KMT2C: variants seen among roughly 807,000 people sequenced by gnomAD.
KMT2C encodes histone-lysine N-methyltransferase 2C.
Under a neutral mutation model 507.9 loss-of-function variants are expected in KMT2C, and 88 were observed. That is an observed-to-expected ratio of 0.17 (90% CI 0.15 to 0.21). KMT2C has a LOEUF of 0.21. Among genes scored for constraint, KMT2C ranks in the 10% least tolerant of loss-of-function variants. The pLI is 1.00. For missense variants in KMT2C, 4,954 were observed against 5,957.8 expected (o/e 0.83, Z 5.55); for synonymous variants, 2,049 against 2,080.8 (o/e 0.98, Z 0.42).
chr7:152,369,039 A>T (rs1436702795), intron 1 of KMT2C, among the ~76,000 whole-genome samples: 1 of 152,060 alleles, frequency 6.6e-6, no homozygotes. Context: ...AAAATAGTTA[A>T]GGGCCAGGAG....
At chr7:152,311,027 C>T (rs2096666886) in intron 5 of KMT2C, among the ~76,000 whole-genome samples, 1 of 152,082 alleles carries the variant, frequency 6.6e-6, no homozygotes, top group African/African-American at 2.4e-5. Context: ...TATTATGATG[C>T]ACACACAAGT....
chr7:152,255,155 ATATG>A lies in KMT2C; in HGVS notation c.1300-2444_1300-2441del, dbSNP rs1425048563. Among the ~76,000 whole-genome samples, 132 of 137,476 alleles carry A rather than the reference ATATG, an allele frequency of 9.6e-4. 4 individuals are homozygous for A. Among genetic ancestry groups the A allele is most frequent in the African/African-American group, 3.3e-3 (119 of 35,926 alleles). The allele number at this position is 137,476 out of a possible 152,430, so 90.2% of individuals were successfully genotyped here. ...TATATATATATATATACATATATAT[ATATG>A]TGTGTGTGTGTGTGTGTGTGTTTTG... is the stretch of plus-strand genomic sequence containing the variant. On this transcript the variant is annotated intron_variant, in intron 9 of 58. Coordinates refer to ENST00000262189, the MANE Select transcript of KMT2C (RefSeq NM_170606.3).
At position 152,336,592 on chromosome 7, in the gene KMT2C, G is replaced by T. The variant is rs375203413; in HGVS notation, c.251-5853C>A. Among the ~76,000 whole-genome samples the T allele has an allele frequency of 2.0e-5, 3 of 152,134 alleles. No individual in the cohort carries two copies. In the South Asian group the frequency reaches 6.2e-4, roughly 32 times the overall value. On this transcript the variant is annotated intron_variant, in intron 2 of 58. Coordinates refer to ENST00000262189, the MANE Select transcript of KMT2C (RefSeq NM_170606.3). Reference sequence around the variant, plus strand: ...ACTCTTGAATACTATCCTATGCTTTGCCTAAAGAAAGAAGCTAGCCATTCA... The same window carrying T: ...ACTCTTGAATACTATCCTATGCTTTTCCTAAAGAAAGAAGCTAGCCATTCA...
intron 27 of KMT2C, among the ~76,000 whole-genome samples, chr7:152,198,944 T>C (rs2094047321): frequency 6.6e-6 from 1 of 152,136 alleles, no homozygotes; most frequent in Admixed American, 6.5e-5. Context: ...GAATTTAAGC[T>C]GTATGATTAA....
rs149709824 is a variant in KMT2C at position 152,427,666 on chromosome 7, C to G, written c.161+7960G>C. Among the ~76,000 whole-genome samples, 65 of 152,158 alleles carry G rather than the reference C, an allele frequency of 4.3e-4. 1 individual carries two copies. The highest frequency in any genetic ancestry group is 1.9e-3 in the Admixed American group (29 of 15,274). On this transcript the variant is annotated intron_variant, in intron 1 of 58. Transcript: ENST00000262189. ...ATTCTGATTTCCTTTCTTGTTTTTC[C>G]GGGTATAACTGGTCCCCTATCTCCT... is the stretch of plus-strand genomic sequence containing the variant.
chr7:152,348,104 C>A (rs2097077089), intron 2 of KMT2C, among the ~76,000 whole-genome samples: 2 of 152,046 alleles, frequency 1.3e-5, no homozygotes, highest in Admixed American at 6.6e-5. Flanking sequence ...TGAAATGGAC[C>A]AATTACTTAA....
chr7:152,236,420 C>A (rs1406026998), intron 15 of KMT2C, among the ~76,000 whole-genome samples: 1 of 152,114 alleles, frequency 6.6e-6, no homozygotes, highest in Non-Finnish European at 1.5e-5. Context: ...GTTTTATTAT[C>A]CCCATTTGAG....
chr7:152,391,335 C>T (rs1195597933), intron 1 of KMT2C, among the ~76,000 whole-genome samples: 3 of 150,938 alleles, frequency 2.0e-5, no homozygotes, highest in African/African-American at 4.9e-5. Flanking sequence ...CTCCGCCTCC[C>T]GGGTGCAAGC....
In KMT2C at chr7:152,149,212, C is replaced by G; in HGVS notation, c.12775-60G>C. 2.1e-6 allele frequency: 3 copies of G among 1,429,106 alleles called. No individual in the cohort carries two copies. The Admixed American group carries it at 8.0e-5, about 38-fold the overall frequency. The allele number at this position is 1,429,106 out of a possible 1,614,324, so 88.5% of individuals were successfully genotyped here. ...TAATTCACAAGCCCGGAAAGCAATT[C>G]TTGTTAAGACAAGAAGCTGAGCAGT... On this transcript the variant is annotated intron_variant, in intron 51 of 58. Transcript: ENST00000262189.
intron 24 of KMT2C, 72 bp from the exon 25 acceptor site, chr7:152,205,297 C>T: frequency 8.2e-7 from 1 of 1,224,488 alleles, no homozygotes; most frequent in Non-Finnish European, 1.2e-6. Flanking sequence ...CAGGATAAAA[C>T]TGCTTTATCT....
chr7:152,166,619 G>C (rs887155627), intron 42 of KMT2C, among the ~76,000 whole-genome samples: 9 of 151,828 alleles, frequency 5.9e-5, no homozygotes, highest in Admixed American at 2.0e-4. Context: ...CATTTTTCTG[G>C]AACAGTACTT....
chr7:152,164,342 T>A (rs1031757164), intron 42 of KMT2C, among the ~76,000 whole-genome samples: 3 of 150,778 alleles, frequency 2.0e-5, no homozygotes, highest in Non-Finnish European at 3.0e-5. Context: ...CAGGCTGGAG[T>A]GCAGTGGCGC....
intron 6 of KMT2C, among the ~76,000 whole-genome samples, chr7:152,300,955 G>A (rs2096560984): frequency 6.6e-6 from 1 of 152,114 alleles, no homozygotes; most frequent in Non-Finnish European, 1.5e-5. Context: ...CTACTCGGGA[G>A]GCTGAGGCAG....
intron 18 of KMT2C, among the ~76,000 whole-genome samples, 156 bp downstream of exon 18, chr7:152,229,767 T>C (rs2095051567): frequency 6.6e-6 from 1 of 152,182 alleles, no homozygotes. Context: ...TTTCTTGAGA[T>C]AGGAAACCCT....
intron 41 of KMT2C, among the ~76,000 whole-genome samples, chr7:152,168,588 T>C (rs1189602458): frequency 6.6e-6 from 1 of 152,206 alleles, no homozygotes; most frequent in Non-Finnish European, 1.5e-5. Context: ...CCTTTCTGGT[T>C]TCTGGAACCA....
intron 14 of KMT2C, among the ~76,000 whole-genome samples, chr7:152,239,772 C>G (rs896923691): frequency 6.6e-6 from 1 of 152,078 alleles, no homozygotes; most frequent in Admixed American, 6.5e-5. Flanking sequence ...TTAGGTAATT[C>G]AATGGTGCAT....
At position 152,222,529 on chromosome 7, in the gene KMT2C, A is replaced by G. The variant is rs1270179980; in HGVS notation, c.3433+44T>C. 4.1e-6 allele frequency: 4 copies of G among 979,216 alleles called. No homozygotes were observed. The Admixed American group carries it at 7.5e-5, about 18-fold the overall frequency. The allele number at this position is 979,216 out of a possible 1,614,324, so 60.7% of individuals were successfully genotyped here. On this transcript the variant is annotated intron_variant, in intron 21 of 58. Transcript: ENST00000262189. Reference sequence around the variant, plus strand: ...GGTTATGGACAGTAAGGTGCAAGTGAGTGGTACAAGAGTGCAGACTCACAG... The same window carrying G: ...GGTTATGGACAGTAAGGTGCAAGTGGGTGGTACAAGAGTGCAGACTCACAG...
chr7:152,300,201 A>T (rs1173790275), intron 6 of KMT2C, among the ~76,000 whole-genome samples: 7 of 152,242 alleles, frequency 4.6e-5, no homozygotes, highest in Non-Finnish European at 1.5e-5. Context: ...CTATGCAAAC[A>T]AAAATTAACA....
intron 1 of KMT2C, chr7:152,367,494 A>C: frequency 1.1e-6 from 1 of 892,540 alleles, no homozygotes; most frequent in Non-Finnish European, 1.8e-6. Flanking sequence ...CTGGGATTAC[A>C]GGTGTGAGCC....
Sources: allele counts gnomAD v4.1 joint callset (sites outside exome capture counted in the v4.1 genomes callset), GRCh38; gene constraint gnomAD v4.1.1; transcripts MANE v1.5; gene names NCBI Gene and HGNC (gene_info 2026-07-23, HGNC 2026-07-21).